HERC1: variants seen among roughly 807,000 people sequenced by gnomAD.
HERC1 encodes the protein probable E3 ubiquitin-protein ligase HERC1.
Under a neutral mutation model 554.3 loss-of-function variants are expected in HERC1, and 160 were observed. That is an observed-to-expected ratio of 0.29 (90% confidence interval 0.25 to 0.33). The LOEUF (loss-of-function observed/expected upper bound fraction) is 0.33, where lower values mean the gene tolerates loss of function less well. HERC1 is among the 10% of genes least tolerant of loss of function. The pLI is 1.00. For synonymous variants in HERC1, 2,175 were observed against 2,131.7 expected, an observed-to-expected ratio of 1.02 and a Z score of -0.56; for missense variants, 4,919 against 5,918.5, an observed-to-expected ratio of 0.83 and a Z score of 5.54.
At chr15:63,714,836 C>T (rs180672540) in intron 22 of HERC1, among the ~76,000 whole-genome samples, 2 of 152,082 alleles carry the variant, frequency 1.3e-5, no homozygotes, top group East Asian at 1.9e-4. Context: ...CGTGAGCCAC[C>T]GCACCTGGCC....
chr15:63,658,813 C>A, intron 47 of HERC1, 95 bp from the exon 48 acceptor site: 1 of 955,164 alleles, frequency 1.0e-6, no homozygotes, highest in Non-Finnish European at 1.5e-6. Flanking sequence ...GGTTCCATAA[C>A]AAACCAATGT....
At chr15:63,624,655 T>C (rs1595843390) in intron 71 of HERC1, among the ~76,000 whole-genome samples, 1 of 152,180 alleles carries the variant, frequency 6.6e-6, no homozygotes, top group Non-Finnish European at 1.5e-5. Flanking sequence ...GAGATAATGC[T>C]ACTGCACTCC....
chr15:63,657,866 C>T (rs2070137011), intron 48 of HERC1, among the ~76,000 whole-genome samples: 1 of 152,084 alleles, frequency 6.6e-6, no homozygotes, highest in Non-Finnish European at 1.5e-5. Flanking sequence ...TCAGACCCTG[C>T]TTCAGTTACT....
At chr15:63,611,910 C>T (rs1339222599) in intron 77 of HERC1, among the ~76,000 whole-genome samples, 1 of 152,214 alleles carries the variant, frequency 6.6e-6, no homozygotes, top group Non-Finnish European at 1.5e-5. Flanking sequence ...GAGGGCCAGG[C>T]GTGTTGGCTC....
At position 63,746,971 on chromosome 15, in the gene HERC1, G is replaced by A. The variant is rs1488700206; in HGVS notation, c.2467C>T (p.Arg823Ter). The A allele has an allele frequency of 1.3e-6, 2 of 1,557,412 alleles. No individual in the cohort carries two copies. Among genetic ancestry groups the A allele is most frequent in the African/African-American group, 1.4e-5 (1 of 73,358 alleles). ...TCCATCAGTCTGAAGAGCAAATTTC[G>A]AAGTGGACCTGCCTGCCTCCCGAGA... ...SILGRQAGPL[R>*]NLLFRLMDST... is the part of the protein sequence containing the mutation. Residue 823 changes from arginine to a stop codon, truncating the protein, a stop_gained, in exon 12 of 78, where the codon CGA (arginine) becomes TGA (stop). Transcript: ENST00000443617. LOFTEE classifies it high-confidence loss of function.
intron 12 of HERC1, among the ~76,000 whole-genome samples, chr15:63,746,013 T>C (rs1026546583): frequency 6.6e-6 from 1 of 152,130 alleles, no homozygotes; most frequent in African/African-American, 2.4e-5. Flanking sequence ...ATTGTTTTTC[T>C]GTTCTTTATT....
chr15:63,664,435 T>C (rs779997485), intron 43 of HERC1, 35 bp downstream of exon 43: 2 of 1,580,790 alleles, frequency 1.3e-6, no homozygotes, highest in Non-Finnish European at 1.7e-6. Context: ...AAATAAGATC[T>C]TTCACAAAGA....
In HERC1 at chr15:63,630,524, G is replaced by A; in HGVS notation, c.12908C>T (p.Thr4303Ile). The A allele has an allele frequency of 6.2e-7, 1 of 1,614,004 alleles. No individual in the cohort carries two copies. Among genetic ancestry groups the A allele is most frequent in the Non-Finnish European group, 8.5e-7 (1 of 1,179,876 alleles). Reference protein sequence around the residue: ...IEDVAVGAEHTLALASNGDVY... With the variant: ...IEDVAVGAEHILALASNGDVY... ...ATCTCCATTTGATGCCAAAGCAAGTGTGTGTTCAGCTCCAACTGCCACATC... is the reference window on the plus strand; with the variant it reads ...ATCTCCATTTGATGCCAAAGCAAGTATGTGTTCAGCTCCAACTGCCACATC... Residue 4303 changes from threonine (T) to isoleucine (I), a missense_variant, in exon 69 of 78, where the codon ACA becomes ATA. By Grantham distance (89) the Thr-to-Ile change is moderately conservative (BLOSUM62 -1). Around this residue, in one of 11 missense-constraint regions of HERC1, gnomAD observed 410 missense variants for 467.0 expected, o/e 0.88. Transcript: ENST00000443617.
At position 63,654,281 on chromosome 15, in the gene HERC1, G is replaced by A; in HGVS notation, c.10128C>T (p.Ser3376=). The change falls in exon 51 of 78, where the codon TCC becomes TCT. Residue 3376 remains serine (S), a synonymous_variant. Transcript: ENST00000443617. ...LANALAACCL[S]SRLSSQHRQW... The stretch of plus-strand genomic sequence containing the variant: ...GCCGATGCTGTGAGGACAGCCTGGA[G>A]GAGAGGCAGCAGGCTGCCAGGGCAT... 10 of 1,613,984 alleles carry A rather than the reference G, an allele frequency of 6.2e-6. No homozygotes were observed. The highest frequency in any genetic ancestry group is 8.5e-6 in the Non-Finnish European group (10 of 1,179,872).
At chr15:63,620,687 G>C (rs1016948262) in intron 74 of HERC1, among the ~76,000 whole-genome samples, 1 of 151,958 alleles carries the variant, frequency 6.6e-6, no homozygotes, top group African/African-American at 2.4e-5. Context: ...CCTGTATTGG[G>C]TGCATATATA....
At chr15:63,719,813 C>CATTT (rs1167609017) in intron 19 of HERC1, among the ~76,000 whole-genome samples, 1 of 152,088 alleles carries the variant, frequency 6.6e-6, no homozygotes, top group Admixed American at 6.5e-5. Context: ...ATGTAGTTGG[C>CATTT]ATTTACTGAG....
chr15:63,654,165 T>C lies in HERC1; in HGVS notation c.10244A>G (p.Asp3415Gly). Reference protein sequence around the residue: ...TLQTLADMGGDLRKCSFIKLE... With the variant: ...TLQTLADMGGGLRKCSFIKLE... ...TTTGATAAAGGAGCATTTTCTAAGA[T>C]CTCCTCCCATATCAGCAAGTGTCTG... Residue 3415 changes from aspartate to glycine, a missense_variant, in exon 51 of 78, where the codon GAT becomes GGT. Asp to Gly is a moderately conservative substitution (Grantham distance 94). This residue lies in a region of HERC1 where 1,963 missense variants were observed against 2,228.6 expected (regional missense o/e 0.88). Coordinates refer to ENST00000443617, the MANE Select transcript of HERC1 (RefSeq NM_003922.4). The C allele has an allele frequency of 6.2e-7, 1 of 1,614,020 alleles. No individual in the cohort carries two copies. The highest frequency in any genetic ancestry group is 8.5e-7 in the Non-Finnish European group (1 of 1,179,874).
At chr15:63,656,911 A>C (rs556051462) in intron 48 of HERC1, among the ~76,000 whole-genome samples, 52 of 152,312 alleles carry the variant, frequency 3.4e-4, no homozygotes, top group African/African-American at 1.2e-3. Flanking sequence ...CATATACATG[A>C]AATCTGCCAC....
At chr15:63,641,932 T>TAAGGC (rs2069083937) in intron 59 of HERC1, among the ~76,000 whole-genome samples, 1 of 152,148 alleles carries the variant, frequency 6.6e-6, no homozygotes, top group Non-Finnish European at 1.5e-5. Flanking sequence ...ACCTGCAGAA[T>TAAGGC]AAGGCATCTA....
At chr15:63,631,173 G>A (rs2068536241) in intron 68 of HERC1, among the ~76,000 whole-genome samples, 1 of 152,126 alleles carries the variant, frequency 6.6e-6, no homozygotes, top group Non-Finnish European at 1.5e-5. Context: ...TCTAAAATGA[G>A]AGATCATTCA....
intron 8 of HERC1, among the ~76,000 whole-genome samples, chr15:63,752,197 T>C (rs1245671309): frequency 6.6e-6 from 1 of 152,184 alleles, no homozygotes; most frequent in East Asian, 1.9e-4. Context: ...ATAATCAAAT[T>C]ATATGCTGAT....
At position 63,641,565 on chromosome 15, in the gene HERC1, G is replaced by A; in HGVS notation, c.11512C>T (p.Gln3838Ter). 1 of 1,609,346 alleles carries A rather than the reference G, an allele frequency of 6.2e-7. No homozygotes were observed. Among genetic ancestry groups the A allele is most frequent in the Non-Finnish European group, 8.5e-7 (1 of 1,177,572 alleles). Reference protein sequence around the residue: ...VLATCRTALKQQGVLGLNMAP... With the variant: ...VLATCRTALK ...ATGTTCAATCCCAGAACACCCTGCT[G>A]TTTCAATGCTGTCCTACAGGTTGCC... Residue 3838 changes from glutamine to a stop codon, truncating the protein, a stop_gained, in exon 60 of 78, where the codon CAG (glutamine) becomes TAG (stop). Coordinates refer to ENST00000443617, the MANE Select transcript of HERC1 (RefSeq NM_003922.4). LOFTEE classifies it high-confidence loss of function.
intron 1 of HERC1, among the ~76,000 whole-genome samples, chr15:63,816,471 A>G (rs1199848370): frequency 6.6e-6 from 1 of 152,242 alleles, no homozygotes; most frequent in African/African-American, 2.4e-5. Context: ...TCAAGAAACT[A>G]GTAACTACTG....
intron 1 of HERC1, among the ~76,000 whole-genome samples, chr15:63,816,034 C>T (rs532930210): frequency 3.9e-5 from 6 of 152,054 alleles, no homozygotes; most frequent in Non-Finnish European, 8.8e-5. Flanking sequence ...TCCCCCCACA[C>T]GTAGGGATTA....
Sources: allele counts gnomAD v4.1 joint callset (sites outside exome capture counted in the v4.1 genomes callset), GRCh38; gene constraint gnomAD v4.1.1; regional missense constraint gnomAD v4.1.1; transcripts MANE v1.5; gene names NCBI Gene and HGNC (gene_info 2026-07-23, HGNC 2026-07-21).